TBC1D19: variants seen among roughly 807,000 people sequenced by gnomAD.
The protein encoded by TBC1D19 is TBC1 domain family member 19, also known as TBC1 domain family, member 19.
TBC1D19 carries 60 observed loss-of-function variants against 89.0 expected under a neutral mutation model. That is an observed-to-expected ratio of 0.67 (90% confidence interval 0.55 to 0.84). TBC1D19 has a LOEUF of 0.84. TBC1D19 is among the 40% of genes least tolerant of loss of function. The probability of loss-of-function intolerance (pLI) is 0.00; values close to 1 mark genes in which losing one functional copy is unlikely to be tolerated. For missense variants in TBC1D19, 500 were observed against 610.8 expected, an observed-to-expected ratio of 0.82 and a Z score of 1.91; for synonymous variants, 189 against 199.7, an observed-to-expected ratio of 0.95 and a Z score of 0.45.
the TBC1D19 span, among the ~76,000 whole-genome samples, chr4:26,831,449 A>G: frequency 6.6e-6 from 1 of 152,188 alleles, no homozygotes; most frequent in African/African-American, 2.4e-5. Flanking sequence ...TGTAGACAAT[A>G]TGTAAACAGA....
intron 1 of TBC1D19, among the ~76,000 whole-genome samples, chr4:26,609,204 A>G (rs1456030247): frequency 2.6e-5 from 4 of 151,954 alleles, no homozygotes; most frequent in Non-Finnish European, 4.4e-5. Context: ...AACTTAAAGT[A>G]TAATAATAAT....
At chr4:26,819,829 CCT>C in the TBC1D19 span, among the ~76,000 whole-genome samples, 2 of 152,166 alleles carry the variant, frequency 1.3e-5, no homozygotes, top group Non-Finnish European at 2.9e-5. Context: ...ACTGCCCTTG[CCT>C]CTTGCTATTC....
chr4:26,832,479 T>G, the TBC1D19 span, among the ~76,000 whole-genome samples: 1 of 152,028 alleles, frequency 6.6e-6, no homozygotes, highest in Non-Finnish European at 1.5e-5. Context: ...GACAAAAGAG[T>G]AGAAACACCG....
the TBC1D19 span, among the ~76,000 whole-genome samples, chr4:26,812,390 G>A: frequency 1.3e-5 from 2 of 152,126 alleles, no homozygotes; most frequent in Non-Finnish European, 2.9e-5. This position sits in a 1 kb window ranked among gnomAD's most constrained non-coding sequence, Gnocchi z 4.2. Context: ...GCCTGCCAAC[G>A]CAATTACCAT....
At chr4:26,813,487 C>T in the TBC1D19 span, among the ~76,000 whole-genome samples, 23 of 152,014 alleles carry the variant, frequency 1.5e-4, no homozygotes, top group Non-Finnish European at 1.9e-4. Flanking sequence ...TACATAAATG[C>T]GAATGCGTTT....
chr4:26,597,554 G>A (rs538359162), intron 1 of TBC1D19, among the ~76,000 whole-genome samples: 3 of 146,026 alleles, frequency 2.1e-5, no homozygotes, highest in Non-Finnish European at 4.5e-5. Context: ...AAGTAGAGAC[G>A]GGGTTTCACC....
chr4:26,734,511 T>A (rs1248386956), intron 15 of TBC1D19, among the ~76,000 whole-genome samples: 1 of 152,194 alleles, frequency 6.6e-6, no homozygotes, highest in Non-Finnish European at 1.5e-5. Context: ...AGACGATGTT[T>A]AGCACACCAA....
At chr4:26,580,939 A>G (rs139743538), upstream of TBC1D19, among the ~76,000 whole-genome samples, 1 of 152,288 alleles carries the variant, frequency 6.6e-6, no homozygotes, top group African/African-American at 2.4e-5. Flanking sequence ...TGAAGAATAG[A>G]TCAAACCAAG....
the TBC1D19 span, among the ~76,000 whole-genome samples, chr4:26,804,915 C>T: frequency 6.6e-6 from 1 of 152,200 alleles, no homozygotes; most frequent in East Asian, 1.9e-4. Flanking sequence ...GGAACCGAGA[C>T]TCAGGAGCAA....
At chr4:26,657,298 A>C (rs1744918735) in intron 7 of TBC1D19, among the ~76,000 whole-genome samples, 1 of 151,588 alleles carries the variant, frequency 6.6e-6, no homozygotes, top group African/African-American at 2.4e-5. Flanking sequence ...ATGTGTTTTC[A>C]TTGTTCAACT....
At chr4:26,826,825 A>T in the TBC1D19 span, among the ~76,000 whole-genome samples, 1 of 152,334 alleles carries the variant, frequency 6.6e-6, no homozygotes, top group South Asian at 2.1e-4. Flanking sequence ...ACGTAGATTC[A>T]GAGCATGGAG....
At chr4:26,588,363 A>C (rs1739559037) in intron 1 of TBC1D19, among the ~76,000 whole-genome samples, 1 of 152,116 alleles carries the variant, frequency 6.6e-6, no homozygotes, top group Non-Finnish European at 1.5e-5. Flanking sequence ...CTAGAGATTT[A>C]TCAATTATAT....
At chr4:26,832,942 C>A in the TBC1D19 span, among the ~76,000 whole-genome samples, 3 of 151,970 alleles carry the variant, frequency 2.0e-5, no homozygotes, top group Non-Finnish European at 4.4e-5. Flanking sequence ...TGTAGTGAGC[C>A]GAGATTGAGC....
chr4:26,613,847 G>A (rs956535896), intron 2 of TBC1D19, among the ~76,000 whole-genome samples: 1 of 152,076 alleles, frequency 6.6e-6, no homozygotes. Context: ...ACTTTTCATA[G>A]AGCAAGAGGA....
At chr4:26,840,964 C>A in the TBC1D19 span, among the ~76,000 whole-genome samples, 1 of 152,114 alleles carries the variant, frequency 6.6e-6, no homozygotes, top group Non-Finnish European at 1.5e-5. Flanking sequence ...CCCTTCCCCC[C>A]AAGACTGCCA....
At chr4:26,779,474 T>G in the TBC1D19 span, among the ~76,000 whole-genome samples, 7 of 152,212 alleles carry the variant, frequency 4.6e-5, no homozygotes, top group Non-Finnish European at 1.0e-4. Flanking sequence ...ACATACTTTT[T>G]TCTCATTGCC....
At chr4:26,650,555 G>C (rs1395097120) in intron 7 of TBC1D19, among the ~76,000 whole-genome samples, 1 of 151,868 alleles carries the variant, frequency 6.6e-6, no homozygotes, top group Non-Finnish European at 1.5e-5. Context: ...CTTGTTGATG[G>C]GGTTGATTGT....
chr4:26,816,558 A>G, the TBC1D19 span, among the ~76,000 whole-genome samples: 1 of 152,186 alleles, frequency 6.6e-6, no homozygotes, highest in Non-Finnish European at 1.5e-5. Flanking sequence ...CCGTCAATCA[A>G]ATGATCAAAG....
At chr4:26,606,060 G>A (rs1295400690) in intron 1 of TBC1D19, among the ~76,000 whole-genome samples, 2 of 152,140 alleles carry the variant, frequency 1.3e-5, no homozygotes, top group Non-Finnish European at 2.9e-5. Flanking sequence ...TGTTGCCCAG[G>A]TTGGTCTCAA....
Sources: gnomAD v4.1 joint callset for allele counts (sites outside exome capture counted in the v4.1 genomes callset) on GRCh38, gnomAD v4.1.1 for gene constraint, Gnocchi (gnomAD v3.1) non-coding constraint, MANE v1.5 for transcripts, NCBI Gene and HGNC (gene_info 2026-07-23, HGNC 2026-07-21) for gene names.